RGPD3: variants seen among roughly 807,000 people sequenced by gnomAD.
RGPD3 encodes the protein RANBP2 like and GRIP domain containing 3.
In RGPD3, 62 loss-of-function variants were observed where a neutral mutation model predicts 154.5. The ratio of observed to expected loss-of-function variants is 0.40; its 90% CI spans 0.33 to 0.50. RGPD3 has a LOEUF of 0.50. Ranked by LOEUF, RGPD3 falls within the 20% of genes least tolerant of loss-of-function variation. RGPD3 has a pLI of 0.59. For missense variants in RGPD3, 919 were observed against 1,716.8 expected, an observed-to-expected ratio of 0.54 and a Z score of 8.21; for synonymous variants, 308 against 607.0, an observed-to-expected ratio of 0.51 and a Z score of 7.24.
chr2:106,436,354 T>A (rs1677551900), intron 11 of RGPD3, 60 bp downstream of exon 11: 10 of 1,610,334 alleles, frequency 6.2e-6, no homozygotes, highest in Admixed American at 1.7e-5. Context: ...CACACGAGGA[T>A]TAAATCCCCG....
chr2:106,468,326 G>T lies in RGPD3; in HGVS notation c.-38C>A. 1 of 1,583,954 alleles carries T rather than the reference G, an allele frequency of 6.3e-7. No individual in the cohort carries two copies. The highest frequency in any genetic ancestry group is 8.6e-7 in the Non-Finnish European group (1 of 1,166,456). On this transcript the variant is annotated 5_prime_UTR_variant, in exon 1 of 23. In the 5' UTR this introduces an upstream ATG that the reference lacks. Coordinates refer to ENST00000409886, the MANE Select transcript of RGPD3 (RefSeq NM_001144013.2). ...CTGGCTCCCGAGATGCGTGAGACCA[G>T]CGCTCAGCCCCGCAGCAGTCGCCAA...
intron 1 of RGPD3, among the ~76,000 whole-genome samples, chr2:106,462,494 A>T (rs917583868): frequency 2.6e-5 from 4 of 151,194 alleles, no homozygotes; most frequent in Non-Finnish European, 5.9e-5. Flanking sequence ...AGCAGATGTC[A>T]CTATAAGCAA....
At chr2:106,468,468 C>G (rs1402916946), upstream of RGPD3, 6 of 1,253,702 alleles carry the variant, frequency 4.8e-6, no homozygotes, top group East Asian at 2.7e-5. Flanking sequence ...CTTCGGCGCT[C>G]GAGCTGCACT....
At position 106,403,699 on chromosome 2, in the gene RGPD3, T is replaced by C. The variant is rs1392383007; in HGVS notation, c.*1520A>G. Reference sequence around the variant, plus strand: ...AAAAAACTAAACTCTTCATGTCGGCTCTGAAATAGATGCATTTTCATTCAT... The same window carrying C: ...AAAAAACTAAACTCTTCATGTCGGCCCTGAAATAGATGCATTTTCATTCAT... On this transcript the variant is annotated 3_prime_UTR_variant, in exon 23 of 23. Coordinates refer to ENST00000409886, the MANE Select transcript of RGPD3 (RefSeq NM_001144013.2). 6.6e-6 allele frequency among the ~76,000 whole-genome samples: 1 copy of C among 152,288 alleles called. No homozygotes were observed. The highest frequency in any genetic ancestry group is 2.4e-5 in the African/African-American group (1 of 41,488).
rs1043390653 is a variant in RGPD3 at position 106,424,785 on chromosome 2, T to C, written c.3182A>G (p.Tyr1061Cys). The change falls in exon 20 of 23, where the codon TAT becomes TGT. Residue 1061 changes from tyrosine (Y) to cysteine (C), a missense_variant. Tyr to Cys is a radical substitution (Grantham distance 194). Transcript: ENST00000409886. ...VTGEEGEKVL[Y>C]SQGVKLFRFD... is the part of the protein sequence containing the mutation. ...TCTAAATAGTTTTACCCCCTGTGAA[T>C]ACAGAACTTTTTCACCTTCTTCTCC... 2 of 1,611,884 alleles carry C rather than the reference T, an allele frequency of 1.2e-6. No individual in the cohort carries two copies. Among genetic ancestry groups the C allele is most frequent in the Non-Finnish European group, 1.7e-6 (2 of 1,179,836 alleles).
chr2:106,428,687 G>A (rs958220891), intron 18 of RGPD3, among the ~76,000 whole-genome samples: 3 of 151,852 alleles, frequency 2.0e-5, no homozygotes, highest in Admixed American at 2.0e-4. Context: ...GCTAAAAAGA[G>A]AGAGAGAGAA....
At chr2:106,408,721 G>A (rs1233926555) in intron 22 of RGPD3, among the ~76,000 whole-genome samples, 3 of 151,904 alleles carry the variant, frequency 2.0e-5, no homozygotes, top group African/African-American at 7.2e-5. Flanking sequence ...TGCCCAGGCT[G>A]AAATGCAGTG....
At chr2:106,466,353 T>A (rs1164744185) in intron 1 of RGPD3, among the ~76,000 whole-genome samples, 4 of 148,838 alleles carry the variant, frequency 2.7e-5, no homozygotes, top group Non-Finnish European at 4.5e-5. Flanking sequence ...GCCTGAGCCA[T>A]CGAGGCCGCC....
In RGPD3 at chr2:106,441,396, T is replaced by A; in HGVS notation, c.979-16A>T. ...GTCTTGGAACCTAATAATTTTAGAA[T>A]CAAAAATCTTAATTTGATGATACCC... is the stretch of plus-strand genomic sequence containing the variant. On this transcript the variant is annotated splice_polypyrimidine_tract_variant and intron_variant, in intron 7 of 22. Transcript: ENST00000409886. 1.5e-6 allele frequency: 2 copies of A among 1,371,984 alleles called. No homozygotes were observed. Among genetic ancestry groups the A allele is most frequent in the South Asian group, 1.4e-5 (1 of 72,612 alleles). 85.0% of individuals were successfully genotyped at this position (1,371,984 alleles called of 1,614,324 possible). A position where few individuals can be genotyped will look rare whatever the true frequency, so the allele number is the denominator to read the frequency against.
chr2:106,415,796 G>A (rs1319356404), intron 21 of RGPD3, 54 bp downstream of exon 21: 100 of 1,610,942 alleles, frequency 6.2e-5, no homozygotes, highest in Non-Finnish European at 8.4e-5. Context: ...GTGTATGGAG[G>A]GTCCAGAAAA....
Position 106,467,811 on chromosome 2 carries a change from C to G in RGPD3, c.72+406G>C, listed in dbSNP as rs1294763361. 6.4e-4 allele frequency among the ~76,000 whole-genome samples: 87 copies of G among 136,776 alleles called. 1 individual carries two copies. The highest frequency in any genetic ancestry group is 1.1e-3 in the Non-Finnish European group (68 of 64,106). 89.7% of individuals were successfully genotyped at this position (136,776 alleles called of 152,430 possible). On this transcript the variant is annotated intron_variant, in intron 1 of 22. Coordinates refer to ENST00000409886, the MANE Select transcript of RGPD3 (RefSeq NM_001144013.2). The stretch of plus-strand genomic sequence containing the variant: ...CAGCCGCCGGGCCAGGTCGAGGCCG[C>G]GGCCTCAACAGAGCGCGCCAGGGAG...
intron 17 of RGPD3, among the ~76,000 whole-genome samples, chr2:106,430,220 G>A (rs1436621591): frequency 6.6e-6 from 1 of 151,350 alleles, no homozygotes; most frequent in African/African-American, 2.4e-5. Flanking sequence ...TTGCCAATGA[G>A]TTCTAGGTAC....
chr2:106,468,096 G>C, intron 1 of RGPD3, 121 bp downstream of exon 1: 1 of 1,316,398 alleles, frequency 7.6e-7, no homozygotes, highest in Non-Finnish European at 1.0e-6. Flanking sequence ...TCCACAGAGC[G>C]CGCCAGGGAG....
intron 6 of RGPD3, among the ~76,000 whole-genome samples, chr2:106,451,428 G>C (rs1240428112): frequency 1.4e-5 from 2 of 144,154 alleles, no homozygotes; most frequent in Non-Finnish European, 3.0e-5. Flanking sequence ...CTAGCAATCA[G>C]TAAACTTTTT....
chr2:106,411,092 A>G (rs977678749), intron 22 of RGPD3, among the ~76,000 whole-genome samples: 1 of 150,488 alleles, frequency 6.6e-6, no homozygotes, highest in African/African-American at 2.4e-5. Flanking sequence ...TATCAGCAAC[A>G]AAATGCTAAA....
intron 7 of RGPD3, among the ~76,000 whole-genome samples, chr2:106,443,120 GAAAC>G (rs1677806562): frequency 6.7e-6 from 1 of 149,250 alleles, no homozygotes; most frequent in African/African-American, 2.4e-5. Flanking sequence ...TACTGACATG[GAAAC>G]ATCTCCAAGA....
intron 22 of RGPD3, among the ~76,000 whole-genome samples, chr2:106,409,168 C>G (rs1358502605): frequency 6.6e-6 from 1 of 152,126 alleles, no homozygotes; most frequent in African/African-American, 2.4e-5. Context: ...CTCTGATGGG[C>G]CCTGTTTCCT....
intron 22 of RGPD3, among the ~76,000 whole-genome samples, chr2:106,406,606 GAAT>G (rs1676522064): frequency 6.7e-6 from 1 of 149,322 alleles, no homozygotes; most frequent in South Asian, 2.2e-4. Flanking sequence ...AAGTTTCTAC[GAAT>G]AATTGTGTAC....
intron 22 of RGPD3, among the ~76,000 whole-genome samples, chr2:106,410,165 G>A (rs1337059589): frequency 2.6e-5 from 4 of 152,060 alleles, no homozygotes; most frequent in East Asian, 1.9e-4. Context: ...GTGAGCCACC[G>A]TGCCAGGCCT....
Sources: allele counts gnomAD v4.1 joint callset (sites outside exome capture counted in the v4.1 genomes callset), GRCh38; gene constraint gnomAD v4.1.1; transcripts MANE v1.5; gene names NCBI Gene and HGNC (gene_info 2026-07-23, HGNC 2026-07-21).